Variants in COLEC10 observed in about 807,000 individuals in gnomAD.
COLEC10 encodes collectin subfamily member 10.
In COLEC10, 22 loss-of-function variants were observed where a neutral mutation model predicts 28.4. That is an observed-to-expected ratio of 0.78 (90% CI 0.55 to 1.11). The LOEUF (loss-of-function observed/expected upper bound fraction) is 1.11, where lower values mean the gene tolerates loss of function less well. COLEC10 is among the 50% of genes least tolerant of loss of function. The pLI is 0.00. For missense variants in COLEC10, 361 were observed against 344.1 expected (o/e 1.05, Z -0.39); for synonymous variants, 125 against 116.1 (o/e 1.08, Z -0.49).
intron 3 of COLEC10, among the ~76,000 whole-genome samples, chr8:119,098,077 GTTA>G (rs1326766440): frequency 6.6e-6 from 1 of 151,894 alleles, no homozygotes; most frequent in Non-Finnish European, 1.5e-5. Context: ...CCAGATTAAA[GTTA>G]TTGTTTCTTA....
intron 2 of COLEC10, among the ~76,000 whole-genome samples, chr8:119,028,378 G>A (rs548913541): frequency 4.6e-5 from 7 of 152,232 alleles, no homozygotes; most frequent in East Asian, 1.9e-4. Context: ...AGACATACCC[G>A]AGACTGGGAA....
the COLEC10 span, among the ~76,000 whole-genome samples, chr8:118,959,781 G>A: frequency 6.6e-6 from 1 of 152,182 alleles, no homozygotes; most frequent in Non-Finnish European, 1.5e-5. Context: ...AATGTGTTCA[G>A]CCCCATGCCA....
chr8:119,072,978 AC>A (rs34715460), intron 1 of COLEC10, among the ~76,000 whole-genome samples: 3,017 of 152,310 alleles, frequency 0.02, 41 homozygotes, highest in South Asian at 0.072. Flanking sequence ...TCAGCCCCCA[AC>A]ACAAATAGGA....
At chr8:118,959,022 G>T in the COLEC10 span, among the ~76,000 whole-genome samples, 5 of 152,192 alleles carry the variant, frequency 3.3e-5, no homozygotes, top group African/African-American at 1.2e-4. Flanking sequence ...AGCAAACAGT[G>T]ACTGATTCAG....
chr8:118,965,033 G>C, the COLEC10 span, among the ~76,000 whole-genome samples: 1 of 152,224 alleles, frequency 6.6e-6, no homozygotes, highest in African/African-American at 2.4e-5. Context: ...TGATGTCTCA[G>C]CTGAATGTTG....
At chr8:119,074,795 C>A (rs147912814) in intron 1 of COLEC10, among the ~76,000 whole-genome samples, 1 of 152,140 alleles carries the variant, frequency 6.6e-6, no homozygotes, top group Non-Finnish European at 1.5e-5. Flanking sequence ...CTGAGCCTGG[C>A]GTTCCTTATT....
intron 1 of COLEC10, among the ~76,000 whole-genome samples, chr8:119,008,231 C>G (rs1260558471): frequency 6.6e-6 from 1 of 150,610 alleles, no homozygotes; most frequent in African/African-American, 2.5e-5. Flanking sequence ...ATGTGTGGCT[C>G]TAATTAATTG....
At chr8:118,954,592 C>T in the COLEC10 span, among the ~76,000 whole-genome samples, 3,897 of 152,282 alleles carry the variant, frequency 0.026, 161 homozygotes, top group African/African-American at 0.089. Context: ...CAGAATGTTC[C>T]GTAACTTTAA....
intron 2 of COLEC10, among the ~76,000 whole-genome samples, chr8:119,012,966 A>T (rs1398771792): frequency 2.7e-5 from 4 of 148,366 alleles, no homozygotes; most frequent in African/African-American, 1.0e-4. Flanking sequence ...AATTTTGTTA[A>T]TTTCTGATCT....
intron 1 of COLEC10, among the ~76,000 whole-genome samples, chr8:119,069,208 A>G (rs1455530615): frequency 6.6e-6 from 1 of 152,032 alleles, no homozygotes; most frequent in Non-Finnish European, 1.5e-5. Flanking sequence ...ATGCACCTAA[A>G]GCAACATGAG....
intron 1 of COLEC10, among the ~76,000 whole-genome samples, chr8:119,008,683 C>G (rs956649155): frequency 5.3e-5 from 8 of 150,596 alleles, no homozygotes; most frequent in Non-Finnish European, 1.2e-4. Flanking sequence ...GACTAACACT[C>G]TGACATACCT....
At chr8:119,010,897 A>G (rs1813890395) in intron 2 of COLEC10, among the ~76,000 whole-genome samples, 1 of 150,986 alleles carries the variant, frequency 6.6e-6, no homozygotes, top group African/African-American at 2.5e-5. Context: ...ATTTTGGATA[A>G]CAGTCCTTAT....
the COLEC10 span, among the ~76,000 whole-genome samples, chr8:118,969,206 A>G: frequency 6.6e-6 from 1 of 151,942 alleles, no homozygotes; most frequent in Non-Finnish European, 1.5e-5. Context: ...GAGAGAACAG[A>G]TTTTCCCCTG....
chr8:119,035,590 G>C (rs1401721713), intron 2 of COLEC10, among the ~76,000 whole-genome samples: 1 of 152,074 alleles, frequency 6.6e-6, no homozygotes, highest in Non-Finnish European at 1.5e-5. Flanking sequence ...TTTCTTCTTT[G>C]GTTCATCTTT....
chr8:119,066,292 T>C (rs1053234449), upstream of COLEC10, among the ~76,000 whole-genome samples: 1 of 152,186 alleles, frequency 6.6e-6, no homozygotes, highest in African/African-American at 2.4e-5. Flanking sequence ...TCTTCCAATA[T>C]CTTACTATGC....
chr8:118,974,160 C>T, the COLEC10 span, among the ~76,000 whole-genome samples: 5 of 151,910 alleles, frequency 3.3e-5, no homozygotes, highest in Admixed American at 2.0e-4. Context: ...TGCCTCTTTA[C>T]TCTTCTCTAT....
At chr8:119,002,717 C>A (rs1381439448) in intron 1 of COLEC10, among the ~76,000 whole-genome samples, 1 of 152,068 alleles carries the variant, frequency 6.6e-6, no homozygotes, top group East Asian at 1.9e-4. Flanking sequence ...ACAAAAGAAT[C>A]TAATTAGAAG....
chr8:118,972,215 T>C, the COLEC10 span, among the ~76,000 whole-genome samples: 1 of 152,000 alleles, frequency 6.6e-6, no homozygotes, highest in Non-Finnish European at 1.5e-5. Context: ...AATTCATTTA[T>C]TCGTGTAACT....
At chr8:118,967,661 G>A in the COLEC10 span, among the ~76,000 whole-genome samples, 1 of 152,076 alleles carries the variant, frequency 6.6e-6, no homozygotes, top group Non-Finnish European at 1.5e-5. Flanking sequence ...GCTCAGATTG[G>A]AAGTTAAATA....
Sources: gnomAD v4.1 joint callset for allele counts (sites outside exome capture counted in the v4.1 genomes callset) on GRCh38, gnomAD v4.1.1 for gene constraint, MANE v1.5 for transcripts, NCBI Gene and HGNC (gene_info 2026-07-23, HGNC 2026-07-21) for gene names.